SNX29: variants seen among roughly 807,000 people sequenced by gnomAD.
SNX29 encodes sorting nexin-29.
A neutral mutation model predicts 102.1 loss-of-function variants in SNX29; 78 were observed. The ratio of observed to expected loss-of-function variants is 0.76; its 90% CI spans 0.64 to 0.92. SNX29 has a LOEUF of 0.92. Ranked by LOEUF, SNX29 falls within the 40% of genes least tolerant of loss-of-function variation. SNX29 has a pLI of 0.00. For missense variants in SNX29, 1,280 were observed against 1,061.7 expected, an observed-to-expected ratio of 1.21 and a Z score of -2.86; for synonymous variants, 580 against 414.5, an observed-to-expected ratio of 1.40 and a Z score of -4.85.
At chr16:12,495,631 T>C (rs767187013) in intron 19 of SNX29, among the ~76,000 whole-genome samples, 18 of 152,350 alleles carry the variant, frequency 1.2e-4, no homozygotes, top group Non-Finnish European at 2.6e-4. Context: ...GGCGGAGCCA[T>C]TGAAGGATTT....
intron 16 of SNX29, among the ~76,000 whole-genome samples, chr16:12,362,156 C>G (rs529375175): frequency 1.3e-5 from 2 of 152,234 alleles, no homozygotes; most frequent in Non-Finnish European, 2.9e-5. Flanking sequence ...TTCCCTTGAA[C>G]TGACAAAACC....
intron 19 of SNX29, among the ~76,000 whole-genome samples, chr16:12,489,800 G>C (rs2088449019): frequency 6.6e-6 from 1 of 151,854 alleles, no homozygotes; most frequent in Non-Finnish European, 1.5e-5. Flanking sequence ...TCTTGTTGTG[G>C]GTTTTGGCTT....
intron 18 of SNX29, among the ~76,000 whole-genome samples, chr16:12,442,745 C>T (rs2085867653): frequency 6.6e-6 from 1 of 151,874 alleles, no homozygotes; most frequent in Non-Finnish European, 1.5e-5. Flanking sequence ...CACTTGACAC[C>T]ACACCTGGCT....
chr16:12,076,265 G>T (rs1260699858), intron 10 of SNX29, among the ~76,000 whole-genome samples: 2 of 151,494 alleles, frequency 1.3e-5, no homozygotes, highest in African/African-American at 4.9e-5. Context: ...GGGAGCTGTA[G>T]ACTGGAGCTG....
chr16:12,142,611 C>G (rs1156503421), intron 13 of SNX29, among the ~76,000 whole-genome samples: 2 of 152,200 alleles, frequency 1.3e-5, no homozygotes, highest in Non-Finnish European at 2.9e-5. Flanking sequence ...GTTGCCCAGG[C>G]TGGAGTGCAG....
chr16:12,573,051 G>C lies in SNX29; in HGVS notation c.*4422G>C, dbSNP rs1481280234. Reference sequence around the variant, plus strand: ...TGGCGTCCGTGCTAATTCTGCAGTTGTAGCACTGTATATTTTATCTCATTT... The same window carrying C: ...TGGCGTCCGTGCTAATTCTGCAGTTCTAGCACTGTATATTTTATCTCATTT... On this transcript the variant is annotated 3_prime_UTR_variant, in exon 21 of 21. Transcript: ENST00000566228. 1.7e-5 allele frequency: 4 copies of C among 235,208 alleles called. No individual in the cohort carries two copies. The highest frequency in any genetic ancestry group is 3.3e-5 in the Non-Finnish European group (4 of 121,018). The allele number at this position is 235,208 out of a possible 1,614,324, so 14.6% of individuals were successfully genotyped here. A position where few individuals can be genotyped will look rare whatever the true frequency, so the allele number is the denominator to read the frequency against.
At chr16:12,549,731 G>A (rs2077846613) in intron 20 of SNX29, among the ~76,000 whole-genome samples, 2 of 152,238 alleles carry the variant, frequency 1.3e-5, no homozygotes, top group South Asian at 2.1e-4. Flanking sequence ...CCTACAAAGT[G>A]TGTTCCAGCA....
intron 18 of SNX29, among the ~76,000 whole-genome samples, chr16:12,469,935 C>T (rs1419146246): frequency 1.3e-5 from 2 of 152,174 alleles, no homozygotes; most frequent in East Asian, 3.9e-4. Context: ...ATCACTTGAA[C>T]CCGGGAGGCG....
intron 18 of SNX29, among the ~76,000 whole-genome samples, chr16:12,427,548 A>G (rs1419187069): frequency 6.6e-6 from 1 of 152,184 alleles, no homozygotes; most frequent in Non-Finnish European, 1.5e-5. Context: ...TACTTTAGGT[A>G]TAGGAATTGC....
rs2076206263 is a variant in SNX29, at chr16:12,173,991, G to T, written c.1596-25610G>T. On this transcript the variant is annotated intron_variant, in intron 13 of 20. Transcript: ENST00000566228. ...GATGGGGTTTCACCATACTGGCCAGGCTGGTTTCGAAATCTTGACCTTAAG... is the reference window on the plus strand; with the variant it reads ...GATGGGGTTTCACCATACTGGCCAGTCTGGTTTCGAAATCTTGACCTTAAG... Among the ~76,000 whole-genome samples, 8 of 152,300 alleles carry T rather than the reference G, an allele frequency of 5.3e-5. No homozygotes were observed. In the Middle Eastern group the frequency reaches 0.014, roughly 259 times the overall value.
chr16:12,430,887 GTCGT>G (rs201211556), intron 18 of SNX29, among the ~76,000 whole-genome samples: 3,390 of 147,174 alleles, frequency 0.023, 137 homozygotes, highest in African/African-American at 0.082. Context: ...ATCTCACTCT[GTCGT>G]GCCCAGGCTG....
intron 13 of SNX29, among the ~76,000 whole-genome samples, chr16:12,167,478 CCCA>C (rs1339162166): frequency 6.6e-6 from 1 of 152,120 alleles, no homozygotes; most frequent in Non-Finnish European, 1.5e-5. Context: ...GACTTCTCCA[CCCA>C]CCACCACCAC....
chr16:12,299,013 A>C lies in SNX29; in HGVS notation c.1782+20977A>C, dbSNP rs570618660. On this transcript the variant is annotated intron_variant, in intron 15 of 20. Transcript: ENST00000566228. Reference sequence around the variant, plus strand: ...TGAGTCTTTAAAAAAAAAAAAAAAAAATAGGGCTGGGCACGGTGGCTCATG... The same window carrying C: ...TGAGTCTTTAAAAAAAAAAAAAAAACATAGGGCTGGGCACGGTGGCTCATG... Among the ~76,000 whole-genome samples, 26 of 151,866 alleles carry C rather than the reference A, an allele frequency of 1.7e-4. No homozygotes were observed. In the East Asian group the frequency reaches 4.7e-3, roughly 27 times the overall value.
chr16:12,212,143 T>C (rs1362074490), intron 14 of SNX29, among the ~76,000 whole-genome samples: 1 of 152,202 alleles, frequency 6.6e-6, no homozygotes, highest in Non-Finnish European at 1.5e-5. Context: ...GACGCCTGCC[T>C]ATGTGGGGCA....
At chr16:12,350,246 G>A (rs1367675856) in intron 15 of SNX29, among the ~76,000 whole-genome samples, 1 of 152,182 alleles carries the variant, frequency 6.6e-6, no homozygotes, top group African/African-American at 2.4e-5. Flanking sequence ...AAAAATACCG[G>A]GCGGGGAGAA....
At chr16:12,384,258 T>C (rs1297907019) in intron 16 of SNX29, among the ~76,000 whole-genome samples, 1 of 152,234 alleles carries the variant, frequency 6.6e-6, no homozygotes, top group Non-Finnish European at 1.5e-5. Flanking sequence ...TGCTGGATCA[T>C]ATGGTAGCTC....
rs74008874 is a variant in SNX29 at position 12,228,993 on chromosome 16, C to A, written c.1678+29310C>A. On this transcript the variant is annotated intron_variant, in intron 14 of 20. Coordinates refer to ENST00000566228, the MANE Select transcript of SNX29 (RefSeq NM_032167.5). ...GTGTCTAGAATGCGCTTTTCTCCCC[C>A]ACTCCCAAATGCCTTGCAGGGCTTG... 1.6e-4 allele frequency among the ~76,000 whole-genome samples: 24 copies of A among 152,360 alleles called. No individual in the cohort carries two copies. In the East Asian group the frequency reaches 4.4e-3, roughly 28 times the overall value.
chr16:12,512,262 C>T (rs1289858208), intron 19 of SNX29, among the ~76,000 whole-genome samples: 2 of 149,614 alleles, frequency 1.3e-5, no homozygotes, highest in African/African-American at 2.5e-5. Context: ...TGAGAGGGTG[C>T]GGCTGGAGAG....
At chr16:12,337,580 G>A (rs2081489597) in intron 15 of SNX29, among the ~76,000 whole-genome samples, 1 of 152,108 alleles carries the variant, frequency 6.6e-6, no homozygotes, top group Admixed American at 6.6e-5. Flanking sequence ...GGGTTCAAGC[G>A]ATCCTCCCAC....
Sources: gnomAD v4.1 joint callset for allele counts (sites outside exome capture counted in the v4.1 genomes callset) on GRCh38, gnomAD v4.1.1 for gene constraint, MANE v1.5 for transcripts, NCBI Gene and HGNC (gene_info 2026-07-23, HGNC 2026-07-21) for gene names.